NCALD: variants seen among roughly 807,000 people sequenced by gnomAD.
NCALD encodes neurocalcin-delta.
NCALD carries 10 observed loss-of-function variants against 18.6 expected under a neutral mutation model. The ratio of observed to expected loss-of-function variants is 0.54; its 90% CI spans 0.33 to 0.91. The LOEUF (loss-of-function observed/expected upper bound fraction) is 0.91, where lower values mean the gene tolerates loss of function less well. Ranked by LOEUF, NCALD falls within the 40% of genes least tolerant of loss-of-function variation. The pLI is 0.03. For missense variants in NCALD, 184 were observed against 247.6 expected (o/e 0.74, Z 1.72); for synonymous variants, 88 against 87.4 (o/e 1.01, Z -0.04).
intron 4 of NCALD, among the ~76,000 whole-genome samples, chr8:101,835,307 A>C (rs1309733280): frequency 6.6e-6 from 1 of 152,176 alleles, no homozygotes; most frequent in Non-Finnish European, 1.5e-5. Context: ...AATAGTTCTC[A>C]ACCAGGGGTC....
At chr8:101,779,012 T>C (rs1359650895) in intron 1 of NCALD, among the ~76,000 whole-genome samples, 1 of 152,110 alleles carries the variant, frequency 6.6e-6, no homozygotes. Flanking sequence ...AAAATCAAAA[T>C]GGCAGCAGAC....
At chr8:101,805,369 C>T (rs561259164) in intron 4 of NCALD, among the ~76,000 whole-genome samples, 2 of 152,280 alleles carry the variant, frequency 1.3e-5, no homozygotes, top group African/African-American at 4.8e-5. Flanking sequence ...CTTTCTTCAG[C>T]TCTAAGGTTA....
intron 2 of NCALD, among the ~76,000 whole-genome samples, chr8:102,003,459 G>A (rs534159476): frequency 1.1e-4 from 17 of 152,294 alleles, no homozygotes; most frequent in African/African-American, 4.1e-4. Context: ...GTACAAGGAG[G>A]AGCAGGTACC....
intron 1 of NCALD, among the ~76,000 whole-genome samples, chr8:102,112,893 T>G (rs1246744437): frequency 1.3e-5 from 2 of 152,226 alleles, no homozygotes; most frequent in African/African-American, 4.8e-5. Context: ...CCAGCTCCTC[T>G]TCACTTTCCA....
In NCALD at chr8:101,929,875, A is replaced by T. The variant is rs149138455; in HGVS notation, c.-156-14017T>A. Among the ~76,000 whole-genome samples the T allele has an allele frequency of 1.4e-3, 210 of 152,150 alleles. 1 individual carries two copies. The highest frequency in any genetic ancestry group is 4.9e-3 in the African/African-American group (202 of 41,526). The stretch of plus-strand genomic sequence containing the variant: ...AGCCTGACCAACATGGTAAAACCCC[A>T]TCTCTACTAAAAATACAAAAATACA... On this transcript the variant is annotated intron_variant, in intron 2 of 6. Transcript: ENST00000311028.
intron 2 of NCALD, among the ~76,000 whole-genome samples, chr8:101,939,908 A>C (rs1410502759): frequency 6.6e-6 from 1 of 152,242 alleles, no homozygotes; most frequent in Non-Finnish European, 1.5e-5. Context: ...GTAAGTGGCC[A>C]TGTGATCATA....
chr8:101,822,311 G>C (rs1023080056), intron 4 of NCALD, among the ~76,000 whole-genome samples: 1 of 152,126 alleles, frequency 6.6e-6, no homozygotes, highest in Non-Finnish European at 1.5e-5. Flanking sequence ...CACAGAGCTG[G>C]CAAGGACATG....
At chr8:102,033,103 A>G (rs1822737927) in intron 1 of NCALD, among the ~76,000 whole-genome samples, 1 of 152,218 alleles carries the variant, frequency 6.6e-6, no homozygotes, top group Non-Finnish European at 1.5e-5. Flanking sequence ...TAACATACTT[A>G]GAAAATGCCT....
At position 101,899,026 on chromosome 8, in the gene NCALD, A is replaced by G. The variant is rs572739293; in HGVS notation, c.-106-11799T>C. Among the ~76,000 whole-genome samples the G allele has an allele frequency of 2.6e-4, 40 of 152,096 alleles. 1 individual carries two copies. In the South Asian group the frequency reaches 4.8e-3, roughly 18 times the overall value. On this transcript the variant is annotated intron_variant, in intron 3 of 6. Coordinates refer to the NCALD transcript ENST00000311028. ...CTTCCAATCCACAAACACAAATCCAATCCACATTTCTCTACTATGTAGATA... is the reference window on the plus strand; with the variant it reads ...CTTCCAATCCACAAACACAAATCCAGTCCACATTTCTCTACTATGTAGATA...
intron 2 of NCALD, among the ~76,000 whole-genome samples, chr8:101,958,045 G>A (rs996026396): frequency 6.6e-5 from 10 of 152,142 alleles, no homozygotes; most frequent in African/African-American, 2.4e-4. Flanking sequence ...TTCAAACTCT[G>A]ATGGTATGAT....
intron 2 of NCALD, among the ~76,000 whole-genome samples, chr8:101,947,810 C>A (rs1312955137): frequency 6.6e-6 from 1 of 152,158 alleles, no homozygotes; most frequent in East Asian, 1.9e-4. Flanking sequence ...TGAAGGATGA[C>A]AAGGAGCTAG....
intron 4 of NCALD, among the ~76,000 whole-genome samples, chr8:101,816,356 C>T (rs1320187391): frequency 1.3e-5 from 2 of 152,108 alleles, no homozygotes; most frequent in Non-Finnish European, 2.9e-5. Flanking sequence ...ATGTGAAAGA[C>T]GTCCTCTCTG....
intron 1 of NCALD, among the ~76,000 whole-genome samples, chr8:102,090,422 A>T (rs1250387878): frequency 6.6e-6 from 1 of 152,120 alleles, no homozygotes; most frequent in African/African-American, 2.4e-5. Context: ...GACATTCTTA[A>T]ATGCAAGTTT....
At chr8:102,115,450 C>T (rs1405230728) in intron 1 of NCALD, among the ~76,000 whole-genome samples, 1 of 152,158 alleles carries the variant, frequency 6.6e-6, no homozygotes, top group African/African-American at 2.4e-5. Flanking sequence ...TGGCTCTTCC[C>T]CAGTTAATGC....
At chr8:101,950,378 GAA>G (rs1819345263) in intron 2 of NCALD, 1 of 151,898 alleles carries the variant, frequency 6.6e-6, no homozygotes, top group Non-Finnish European at 1.5e-5. Context: ...TAGGAAATGT[GAA>G]AAGAGACAAC....
At chr8:101,982,416 T>C (rs1820653559) in intron 2 of NCALD, among the ~76,000 whole-genome samples, 1 of 152,210 alleles carries the variant, frequency 6.6e-6, no homozygotes, top group African/African-American at 2.4e-5. Flanking sequence ...AAGCACTTTA[T>C]AACTATAAAC....
intron 1 of NCALD, among the ~76,000 whole-genome samples, chr8:102,027,288 G>T (rs1312106054): frequency 6.6e-6 from 1 of 152,192 alleles, no homozygotes; most frequent in Non-Finnish European, 1.5e-5. Flanking sequence ...AAATTTTTAT[G>T]ATCTGTTTCC....
At chr8:101,884,375 C>CT (rs1373175189) in intron 4 of NCALD, among the ~76,000 whole-genome samples, 1 of 152,212 alleles carries the variant, frequency 6.6e-6, no homozygotes, top group Non-Finnish European at 1.5e-5. Context: ...GCATGCCTTC[C>CT]TATCCCTATT....
At chr8:101,974,954 T>C (rs1820368334) in intron 2 of NCALD, among the ~76,000 whole-genome samples, 1 of 152,190 alleles carries the variant, frequency 6.6e-6, no homozygotes, top group South Asian at 2.1e-4. Context: ...ATCAACGCAA[T>C]TGACACATAT....
Sources: gnomAD v4.1 joint callset for allele counts (sites outside exome capture counted in the v4.1 genomes callset) on GRCh38, gnomAD v4.1.1 for gene constraint, MANE v1.5 for transcripts, NCBI Gene and HGNC (gene_info 2026-07-23, HGNC 2026-07-21) for gene names.